Variants in NT5DC3 observed in about 807,000 individuals in gnomAD.
NT5DC3 encodes the protein 5'-nucleotidase domain-containing protein 3.
NT5DC3 carries 42 observed loss-of-function variants against 67.8 expected under a neutral mutation model. That is an observed-to-expected ratio of 0.62 (90% CI 0.48 to 0.80). NT5DC3 has a LOEUF of 0.80. Among genes scored for constraint, NT5DC3 ranks in the 30% least tolerant of loss-of-function variants. NT5DC3 has a pLI of 0.00. For synonymous variants in NT5DC3, 237 were observed against 255.6 expected (o/e 0.93, Z 0.69); for missense variants, 570 against 696.4 (o/e 0.82, Z 2.04).
intron 2 of NT5DC3, 66 bp downstream of exon 2, chr12:103,814,871 G>T: frequency 8.2e-7 from 1 of 1,214,452 alleles, no homozygotes. Flanking sequence ...TTGGGGTCAT[G>T]TCAGCTCAAG....
chr12:103,825,652 G>C (rs1887662972), intron 1 of NT5DC3, among the ~76,000 whole-genome samples: 1 of 152,146 alleles, frequency 6.6e-6, no homozygotes, highest in African/African-American at 2.4e-5. Flanking sequence ...AAGTAGCCAG[G>C]CACAGGTAGC....
At chr12:103,825,644 G>T (rs1295063466) in intron 1 of NT5DC3, among the ~76,000 whole-genome samples, 2 of 152,102 alleles carry the variant, frequency 1.3e-5, no homozygotes, top group African/African-American at 4.8e-5. Context: ...AATTTTAAAA[G>T]TAGCCAGGCA....
the NT5DC3 span, chr12:103,753,260 C>G: frequency 6.2e-7 from 1 of 1,614,226 alleles, no homozygotes; most frequent in African/African-American, 1.3e-5. Context: ...CCCCACTGGG[C>G]CAGTATAAGC....
rs779894368 is a variant in NT5DC3, at chr12:103,785,480, T to C, written c.1189-5A>G. The C allele has an allele frequency of 6.2e-7, 1 of 1,613,938 alleles. No individual in the cohort carries two copies. Among genetic ancestry groups the C allele is most frequent in the Non-Finnish European group, 8.5e-7 (1 of 1,179,862 alleles). On this transcript the variant is annotated splice_polypyrimidine_tract_variant and splice_region_variant and intron_variant, in intron 11 of 13. Transcript: ENST00000392876. ...GCCATGCTTTAGGGTCAAATCCTGA[T>C]CACAAAGATCACGAAAAGTCAACGT... is the stretch of plus-strand genomic sequence containing the variant.
At chr12:103,832,490 G>A (rs1017329366) in intron 1 of NT5DC3, among the ~76,000 whole-genome samples, 2 of 150,474 alleles carry the variant, frequency 1.3e-5, no homozygotes, top group African/African-American at 4.9e-5. Flanking sequence ...ACCTTCAAAA[G>A]CTGGCAAAAA....
At chr12:103,766,399 C>T (rs1346202209), downstream of NT5DC3, 3 of 1,545,220 alleles carry the variant, frequency 1.9e-6, no homozygotes, top group East Asian at 4.5e-5. Context: ...TGTGAATTCT[C>T]AGCACCAGTT....
intron 9 of NT5DC3, among the ~76,000 whole-genome samples, chr12:103,791,471 G>A (rs934844): frequency 0.053 from 8,097 of 152,052 alleles, 462 homozygotes; most frequent in East Asian, 0.17. Context: ...AAAACTCCCA[G>A]ACACCGATAA....
chr12:103,821,808 C>G (rs946343411), intron 1 of NT5DC3: 1 of 152,180 alleles, frequency 6.6e-6, no homozygotes, highest in East Asian at 1.9e-4. Flanking sequence ...CCTATGTATA[C>G]TTTAATCCAT....
At chr12:103,750,221 G>A in the NT5DC3 span, among the ~76,000 whole-genome samples, 47 of 152,332 alleles carry the variant, frequency 3.1e-4, no homozygotes, top group Admixed American at 7.2e-4. Flanking sequence ...AGTAGAGAGA[G>A]GGGGCAATGC....
In NT5DC3 at chr12:103,814,985, G is replaced by A. The variant is rs768285834; in HGVS notation, c.345C>T (p.His115=). Residue 115 remains histidine (H), a synonymous_variant, in exon 2 of 14, where the codon CAC becomes CAT. Transcript: ENST00000392876. ...CCCGTGCAGCATTAAATATCAGCGTGTGGAGGTGCTTTGAATAAAACACCA... is the reference window on the plus strand; with the variant it reads ...CCCGTGCAGCATTAAATATCAGCGTATGGAGGTGCTTTGAATAAAACACCA... ...YTLVFYSKHL[H]TLIFNAARDL... 2 of 1,613,618 alleles carry A rather than the reference G, an allele frequency of 1.2e-6. No individual in the cohort carries two copies. The highest frequency in any genetic ancestry group is 1.7e-5 in the Admixed American group (1 of 59,978).
downstream of NT5DC3, chr12:103,766,424 T>A: frequency 6.9e-7 from 1 of 1,452,904 alleles, no homozygotes. Context: ...TTTAGGAACG[T>A]AAAGTCCTTT....
rs141389601 is a variant in NT5DC3, at chr12:103,821,565, G to C, written c.209-6444C>G. Among the ~76,000 whole-genome samples, 55 of 152,244 alleles carry C rather than the reference G, an allele frequency of 3.6e-4. No homozygotes were observed. In the East Asian group the frequency reaches 9.8e-3, roughly 27 times the overall value. On this transcript the variant is annotated intron_variant, in intron 1 of 13. Coordinates refer to ENST00000392876, the MANE Select transcript of NT5DC3 (RefSeq NM_001031701.3). The stretch of plus-strand genomic sequence containing the variant: ...TCAGGTCAATTTCTGGATTTGTAAG[G>C]GAATTTCAGGGAAGAGGCACTCTTT...
the NT5DC3 span, chr12:103,762,329 C>A: frequency 4.3e-6 from 7 of 1,614,250 alleles, no homozygotes; most frequent in Non-Finnish European, 5.9e-6. Context: ...ATCCTGGTGA[C>A]TGGGGCTGTT....
the NT5DC3 span, among the ~76,000 whole-genome samples, chr12:103,756,528 T>A: frequency 6.6e-6 from 1 of 152,230 alleles, no homozygotes; most frequent in Non-Finnish European, 1.5e-5. Flanking sequence ...ATAAGGCCAC[T>A]TCTATATCCA....
At chr12:103,834,983 G>A (rs892857070) in intron 1 of NT5DC3, among the ~76,000 whole-genome samples, 1 of 152,196 alleles carries the variant, frequency 6.6e-6, no homozygotes, top group African/African-American at 2.4e-5. Flanking sequence ...AAAGCTCAAG[G>A]GTCAGCCTCA....
intron 9 of NT5DC3, among the ~76,000 whole-genome samples, chr12:103,791,824 A>G (rs954630461): frequency 1.3e-5 from 2 of 152,234 alleles, no homozygotes; most frequent in African/African-American, 4.8e-5. Flanking sequence ...TGCACAAGCA[A>G]GGGATCTAAG....
At chr12:103,748,137 A>C in the NT5DC3 span, among the ~76,000 whole-genome samples, 1 of 152,198 alleles carries the variant, frequency 6.6e-6, no homozygotes, top group East Asian at 1.9e-4. Flanking sequence ...CTTTACACAA[A>C]TTAGATCTTG....
At chr12:103,800,926 G>A (rs1207886477) in intron 4 of NT5DC3, among the ~76,000 whole-genome samples, 2 of 152,148 alleles carry the variant, frequency 1.3e-5, no homozygotes, top group Non-Finnish European at 2.9e-5. Context: ...ATGTCACTGA[G>A]AAGATCACAG....
intron 9 of NT5DC3, among the ~76,000 whole-genome samples, chr12:103,792,457 A>G (rs1166729104): frequency 6.6e-6 from 1 of 152,214 alleles, no homozygotes; most frequent in Non-Finnish European, 1.5e-5. Context: ...AAACTTGCCC[A>G]TTATTATACA....
Sources: gnomAD v4.1 joint callset for allele counts (sites outside exome capture counted in the v4.1 genomes callset) on GRCh38, gnomAD v4.1.1 for gene constraint, MANE v1.5 for transcripts, NCBI Gene and HGNC (gene_info 2026-07-23, HGNC 2026-07-21) for gene names.